The following SETD2 variants were observed in gnomAD, a reference collection of about 807,000 sequenced individuals.
The protein encoded by SETD2 is SET domain containing 2, histone lysine methyltransferase.
Under a neutral mutation model 242.1 loss-of-function variants are expected in SETD2, and 31 were observed. That is an observed-to-expected ratio of 0.13 (90% CI 0.10 to 0.17). The LOEUF (loss-of-function observed/expected upper bound fraction) is 0.17. Among genes scored for constraint, SETD2 ranks in the 10% least tolerant of loss-of-function variants. SETD2 has a pLI of 1.00. For synonymous variants in SETD2, 1,006 were observed against 1,066.5 expected (o/e 0.94, Z 1.11); for missense variants, 2,481 against 3,046.3 (o/e 0.81, Z 4.37).
intron 12 of SETD2, among the ~76,000 whole-genome samples, chr3:47,073,317 T>A (rs555797600): frequency 6.6e-6 from 1 of 152,174 alleles, no homozygotes; most frequent in African/African-American, 2.4e-5. Flanking sequence ...AGAAAATATT[T>A]TACAAAATTA....
At chr3:47,073,591 C>T (rs765251930) in intron 12 of SETD2, among the ~76,000 whole-genome samples, 2 of 152,100 alleles carry the variant, frequency 1.3e-5, no homozygotes, top group Non-Finnish European at 2.9e-5. Flanking sequence ...TTTGTTTATG[C>T]TTTTAAACCC....
intron 17 of SETD2, chr3:47,041,308 G>A (rs542194201): frequency 1.2e-5 from 5 of 406,772 alleles, no homozygotes; most frequent in South Asian, 8.9e-5. Context: ...AGTGGCCTGT[G>A]GGCATAGTTT....
intron 1 of SETD2, among the ~76,000 whole-genome samples, chr3:47,138,104 T>C (rs1328608590): frequency 6.8e-6 from 1 of 147,278 alleles, no homozygotes; most frequent in Non-Finnish European, 1.5e-5. Flanking sequence ...CCCGAGTAGC[T>C]GGGACTACAG....
chr3:47,105,903 C>CAA (rs55987628), intron 6 of SETD2, 94 bp downstream of exon 6: 2,465 of 964,994 alleles, frequency 2.6e-3, no homozygotes, highest in South Asian at 5.1e-3. Context: ...ACTCCGTCTC[C>CAA]AAAAAAAAAA....
chr3:47,081,270 T>C (rs1338702806), intron 12 of SETD2, among the ~76,000 whole-genome samples: 2 of 151,116 alleles, frequency 1.3e-5, no homozygotes, highest in Non-Finnish European at 1.5e-5. Flanking sequence ...CTTCACTCCA[T>C]CCAGTGTGTA....
chr3:47,056,504 C>G (rs1349739699), intron 15 of SETD2, among the ~76,000 whole-genome samples: 1 of 152,098 alleles, frequency 6.6e-6, no homozygotes, highest in African/African-American at 2.4e-5. Context: ...GGCCTGCTAA[C>G]AACAATGTGA....
chr3:47,146,394 G>A (rs7626029), intron 1 of SETD2, among the ~76,000 whole-genome samples: 3 of 152,106 alleles, frequency 2.0e-5, no homozygotes, highest in East Asian at 1.9e-4. Context: ...TTGGGAGGCC[G>A]AGGCAGGCGG....
At chr3:47,030,928 T>G (rs2038737708) in intron 18 of SETD2, among the ~76,000 whole-genome samples, 1 of 152,198 alleles carries the variant, frequency 6.6e-6, no homozygotes, top group African/African-American at 2.4e-5. Context: ...AAATGAGCTA[T>G]CAGGCCATGA....
chr3:47,149,321 T>G (rs958509980), intron 1 of SETD2, among the ~76,000 whole-genome samples: 1 of 152,026 alleles, frequency 6.6e-6, no homozygotes, highest in African/African-American at 2.4e-5. Flanking sequence ...TTTATAAAAT[T>G]AGAGGCACTA....
At chr3:47,074,645 C>G (rs2040971072) in intron 12 of SETD2, among the ~76,000 whole-genome samples, 1 of 152,188 alleles carries the variant, frequency 6.6e-6, no homozygotes, top group African/African-American at 2.4e-5. Flanking sequence ...AGAGTAGGAG[C>G]CCTCCTGATA....
intron 18 of SETD2, among the ~76,000 whole-genome samples, chr3:47,034,976 T>C (rs2038935947): frequency 6.6e-6 from 1 of 152,214 alleles, no homozygotes; most frequent in South Asian, 2.1e-4. Flanking sequence ...GCCTTTTGGA[T>C]ATAATACTTT....
At chr3:47,162,772 A>G (rs1273272364) in intron 1 of SETD2, among the ~76,000 whole-genome samples, 1 of 152,232 alleles carries the variant, frequency 6.6e-6, no homozygotes, top group Non-Finnish European at 1.5e-5. Flanking sequence ...GTATATTCCT[A>G]GGTCTAACAC....
intron 5 of SETD2, among the ~76,000 whole-genome samples, chr3:47,106,811 C>CAA (rs397989450): frequency 1.1e-3 from 120 of 113,416 alleles, no homozygotes; most frequent in Middle Eastern, 9.6e-3. Context: ...GACTCCGTCT[C>CAA]AAAAAAAAAA....
rs145573425 is a variant in SETD2, at chr3:47,113,496, A to G, written c.4715+380T>C. On this transcript the variant is annotated intron_variant, in intron 5 of 20. Coordinates refer to ENST00000409792, the MANE Select transcript of SETD2 (RefSeq NM_014159.7). ...AATCATCATTAAACCTCAGTGTAAT[A>G]AAGAAATTGTTTCCCTACAAAAACA... 2.6e-5 allele frequency among the ~76,000 whole-genome samples: 4 copies of G among 152,308 alleles called. No homozygotes were observed. In the East Asian group the frequency reaches 7.7e-4, roughly 29 times the overall value.
rs2107740752 is a variant in SETD2, at chr3:47,120,368, T to C, written c.4268A>G (p.Asp1423Gly). The C allele has an allele frequency of 6.8e-6, 11 of 1,613,136 alleles. No individual in the cohort carries two copies. The highest frequency in any genetic ancestry group is 8.5e-6 in the Non-Finnish European group (10 of 1,179,726). Residue 1423 changes from aspartate to glycine, a missense_variant, in exon 3 of 21, where the codon GAC (aspartate) becomes GGC (glycine). Asp to Gly is a moderately conservative substitution (Grantham distance 94, BLOSUM62 -1). Coordinates refer to ENST00000409792, the MANE Select transcript of SETD2 (RefSeq NM_014159.7). ...SDSESDGELQ[D>G]RKKVRVEVEQ... The stretch of plus-strand genomic sequence containing the variant: ...TACCTCCACTCTAACTTTCTTTCTG[T>C]CCTGAAGCTCACCATCACTTTCAGA...
chr3:47,095,068 A>G (rs2041954330), intron 9 of SETD2, among the ~76,000 whole-genome samples: 1 of 152,212 alleles, frequency 6.6e-6, no homozygotes, highest in Non-Finnish European at 1.5e-5. Flanking sequence ...CTTCTCATCA[A>G]TAAATTAGTT....
At chr3:47,092,228 G>T (rs2041834871) in intron 9 of SETD2, among the ~76,000 whole-genome samples, 1 of 152,030 alleles carries the variant, frequency 6.6e-6, no homozygotes, top group Non-Finnish European at 1.5e-5. Flanking sequence ...ACACATAAAT[G>T]CATGCCAATT....
rs201984344 is a variant in SETD2, at chr3:47,123,221, C to T, written c.1415G>A (p.Arg472His). The part of the protein sequence containing the change: ...EEEYKKTYSR[R>H]TSSHSSSYRD... The stretch of plus-strand genomic sequence containing the variant: ...GTAAGAAGAGGAATGAGATGAGGTA[C>T]GCCTTGAGTATGTCTTCTTATACTC... The change falls in exon 3 of 21, where the codon CGT becomes CAT. Residue 472 changes from arginine to histidine, a missense_variant. Physicochemically the swap from Arg to His is conservative, Grantham distance 29 (BLOSUM62 0). Coordinates refer to ENST00000409792, the MANE Select transcript of SETD2 (RefSeq NM_014159.7). 8.4e-4 allele frequency: 1,318 copies of T among 1,566,436 alleles called. 2 individuals carry two copies. The highest frequency in any genetic ancestry group is 1.0e-3 in the Non-Finnish European group (1,210 of 1,153,564).
At chr3:47,120,139 A>C (rs779823637) in intron 3 of SETD2, 43 bp downstream of exon 3, 154 of 1,424,744 alleles carry the variant, frequency 1.1e-4, no homozygotes, top group Non-Finnish European at 1.4e-4. Flanking sequence ...CTAACAACAA[A>C]AAAAGAGTTA....
Sources: allele counts gnomAD v4.1 joint callset (sites outside exome capture counted in the v4.1 genomes callset), GRCh38; gene constraint gnomAD v4.1.1; transcripts MANE v1.5; gene names NCBI Gene and HGNC (gene_info 2026-07-23, HGNC 2026-07-21).